Variants in MAP1S observed in about 807,000 individuals in gnomAD.
MAP1S encodes the protein microtubule-associated protein 1S.
Under a neutral mutation model 60.9 loss-of-function variants are expected in MAP1S, and 27 were observed. That is an observed-to-expected ratio of 0.44 (90% confidence interval 0.33 to 0.61). The LOEUF is 0.61. Among genes scored for constraint, MAP1S ranks in the 20% least tolerant of loss-of-function variants. The pLI is 0.03. For missense variants in MAP1S, 1,608 were observed against 1,486.6 expected, an observed-to-expected ratio of 1.08 and a Z score of -1.34; for synonymous variants, 826 against 694.2, an observed-to-expected ratio of 1.19 and a Z score of -2.98.
At chr19:17,723,240 CTCTG>C (rs955765101) in intron 2 of MAP1S, among the ~76,000 whole-genome samples, 14 of 152,146 alleles carry the variant, frequency 9.2e-5, no homozygotes, top group African/African-American at 1.9e-4. Flanking sequence ...AGCTCTGGCT[CTCTG>C]TCTGAAAAAT....
In MAP1S at chr19:17,733,376, C is replaced by T; in HGVS notation, c.2972C>T (p.Ala991Val). The stretch of plus-strand genomic sequence containing the variant: ...CAGCGCAAGGAGGAAGGCATGCGGG[C>T]CGTCCTGGACGCGCTACTGGCCAGC... ...QDQRKEEGMRAVLDALLASKQ... is the reference protein window; with the variant it reads ...QDQRKEEGMRVVLDALLASKQ... Residue 991 changes from alanine (A) to valine (V), a missense_variant, in exon 6 of 7, where the codon GCC becomes GTC. This residue lies in a region of MAP1S where 76 missense variants were observed against 110.1 expected (regional missense o/e 0.69). Transcript: ENST00000324096. The T allele has an allele frequency of 6.2e-7, 1 of 1,611,300 alleles. No homozygotes were observed. Among genetic ancestry groups the T allele is most frequent in the Non-Finnish European group, 8.5e-7 (1 of 1,179,240 alleles).
chr19:17,725,910 G>A lies in MAP1S; in HGVS notation c.526G>A (p.Ala176Thr). The A allele has an allele frequency of 2.5e-6, 4 of 1,613,806 alleles. No individual in the cohort carries two copies. The highest frequency in any genetic ancestry group is 3.4e-6 in the Non-Finnish European group (4 of 1,179,992). The stretch of plus-strand genomic sequence containing the variant: ...CACCTGCCCCACCTTCGGTGACTGG[G>A]CTCAGCTGGCACCCGCTGTGCCTGG... Reference protein sequence around the residue: ...TITCPTFGDWAQLAPAVPGLQ... With the variant: ...TITCPTFGDWTQLAPAVPGLQ... The change falls in exon 5 of 7, where the codon GCT becomes ACT. Residue 176 changes from alanine (A) to threonine (T), a missense_variant. Coordinates refer to ENST00000324096, the MANE Select transcript of MAP1S (RefSeq NM_018174.6). This position sits in a 1 kb window ranked among gnomAD's most constrained non-coding sequence, Gnocchi z 4.2.
chr19:17,726,746 G>T lies in MAP1S; in HGVS notation c.1362G>T (p.Leu454=). The T allele has an allele frequency of 6.3e-7, 1 of 1,577,018 alleles. No individual in the cohort carries two copies. The highest frequency in any genetic ancestry group is 8.6e-7 in the Non-Finnish European group (1 of 1,165,112). ...TCCGCCTGCAGCACTTGAGGTTCCT[G>T]CGAGAGCCCGTGGTGACGCCCCAGG... The part of the protein sequence containing the change: ...GLVRLQHLRF[L]REPVVTPQDL... Residue 454 remains leucine, a synonymous_variant, in exon 5 of 7, where the codon CTG becomes CTT. Transcript: ENST00000324096.
Position 17,727,280 on chromosome 19 carries a change from A to G in MAP1S, c.1896A>G (p.Ser632=). ...KALELPLAAS[S]IPRPRTPSPE... ...TGGAGCTGCCTTTGGCCGCCAGCTC[A>G]ATCCCAAGGCCACGCACACCCTCCC... The change falls in exon 5 of 7, where the codon TCA becomes TCG. Residue 632 remains serine, a synonymous_variant. Transcript: ENST00000324096. This position sits in a 1 kb window ranked among gnomAD's most constrained non-coding sequence, Gnocchi z 4.1. 6.3e-7 allele frequency: 1 copy of G among 1,585,642 alleles called. No homozygotes were observed. The highest frequency in any genetic ancestry group is 1.1e-5 in the South Asian group (1 of 88,974).
At chr19:17,720,641 A>G in intron 1 of MAP1S, 1 of 857,610 alleles carries the variant, frequency 1.2e-6, no homozygotes, top group Non-Finnish European at 1.7e-6. Context: ...CAGCTGTTGC[A>G]AGGGCGGTGA....
At chr19:17,733,641 G>A (rs75103974) in intron 6 of MAP1S, among the ~76,000 whole-genome samples, 3,120 of 152,312 alleles carry the variant, frequency 0.02, 48 homozygotes, top group Non-Finnish European at 0.032. Context: ...GCCTGGGGGA[G>A]GACGCAGGGC....
Position 17,733,298 on chromosome 19 carries a change from A to G in MAP1S, c.2894A>G (p.Glu965Gly). 6.3e-7 allele frequency: 1 copy of G among 1,589,180 alleles called. No homozygotes were observed. The highest frequency in any genetic ancestry group is 8.6e-7 in the Non-Finnish European group (1 of 1,169,016). ...PSGSSAHLVDEEFFQRVRALC... is the reference protein window; with the variant it reads ...PSGSSAHLVDGEFFQRVRALC... ...GGGAGCAGCGCCCACCTGGTGGATG[A>G]GGAGTTCTTCCAGCGCGTGCGCGCG... Residue 965 changes from glutamate to glycine, a missense_variant, in exon 6 of 7, where the codon GAG becomes GGG. Coordinates refer to ENST00000324096, the MANE Select transcript of MAP1S (RefSeq NM_018174.6).
rs1167337553 is a variant in MAP1S, at chr19:17,734,329, G to A, written c.3081G>A (p.Thr1027=). ...CCATGCATACGTGGTACGCAGAGACGCACGCCCGGCACCAGGCGCTGGGCA... is the reference window on the plus strand; with the variant it reads ...CCATGCATACGTGGTACGCAGAGACACACGCCCGGCACCAGGCGCTGGGCA... ...SVAMHTWYAE[T]HARHQALGIT... The change falls in exon 7 of 7, where the codon ACG becomes ACA. Residue 1027 remains threonine, a synonymous_variant. Coordinates refer to ENST00000324096, the MANE Select transcript of MAP1S (RefSeq NM_018174.6). 3.7e-6 allele frequency: 6 copies of A among 1,613,810 alleles called. No individual in the cohort carries two copies. Among genetic ancestry groups the A allele is most frequent in the Non-Finnish European group, 5.1e-6 (6 of 1,179,958 alleles).
intron 3 of MAP1S, 30 bp downstream of exon 3, chr19:17,724,238 C>A (rs746303763): frequency 3.8e-6 from 6 of 1,583,596 alleles, no homozygotes; most frequent in Non-Finnish European, 5.2e-6. Flanking sequence ...CTGGAGGGGG[C>A]GGGCTGCTGG....
chr19:17,730,327 A>G (rs2080481897), intron 5 of MAP1S, among the ~76,000 whole-genome samples: 1 of 152,136 alleles, frequency 6.6e-6, no homozygotes, highest in African/African-American at 2.4e-5. Context: ...ATTTTGTTTT[A>G]CTTTTTAGAG....
chr19:17,724,671 A>C (rs577711717), intron 3 of MAP1S, among the ~76,000 whole-genome samples: 1 of 152,148 alleles, frequency 6.6e-6, no homozygotes, highest in Non-Finnish European at 1.5e-5. Context: ...CCTTGGATCA[A>C]CTTTTCCCTT....
Position 17,725,760 on chromosome 19 carries a change from C to A in MAP1S, c.445-69C>A. The A allele has an allele frequency of 1.3e-6, 2 of 1,483,382 alleles. No individual in the cohort carries two copies. The highest frequency in any genetic ancestry group is 2.0e-5 in the Admixed American group (1 of 49,202). 91.9% of individuals were successfully genotyped at this position (1,483,382 alleles called of 1,614,324 possible). ...GGGGGAAAGGATGAGGGTGTCCTCG[C>A]CCAGTTTTCCCACCGGGCTAGGTGT... On this transcript the variant is annotated intron_variant, in intron 4 of 6. Transcript: ENST00000324096. The surrounding 1 kb of genome is among the most constrained non-coding windows in gnomAD (Gnocchi z 4.2).
At chr19:17,729,948 A>G (rs907492338) in intron 5 of MAP1S, among the ~76,000 whole-genome samples, 2 of 152,140 alleles carry the variant, frequency 1.3e-5, no homozygotes. Flanking sequence ...GACGTGAGCC[A>G]CTGTGCCCAG....
chr19:17,722,997 C>G (rs1042544013), intron 2 of MAP1S, among the ~76,000 whole-genome samples: 1 of 152,076 alleles, frequency 6.6e-6, no homozygotes, highest in Non-Finnish European at 1.5e-5. Flanking sequence ...TACCCTGGTC[C>G]GGGTTGGCCC....
At chr19:17,721,113 G>A in intron 2 of MAP1S, 76 bp downstream of exon 2, 1 of 1,137,878 alleles carries the variant, frequency 8.8e-7, no homozygotes, top group Non-Finnish European at 1.3e-6. Context: ...CAGGCATGGG[G>A]GGTGGGATGC....
intron 3 of MAP1S, 107 bp downstream of exon 3, chr19:17,724,315 A>C (rs1401184188): frequency 1.2e-6 from 1 of 866,758 alleles, no homozygotes; most frequent in Non-Finnish European, 1.9e-6. Flanking sequence ...TCCTCTCAAG[A>C]CACCCGGCAC....
intron 1 of MAP1S, chr19:17,720,640 C>A: frequency 1.2e-6 from 1 of 867,998 alleles, no homozygotes; most frequent in Non-Finnish European, 1.7e-6. Flanking sequence ...ACAGCTGTTG[C>A]AAGGGCGGTG....
rs17710707 is a variant in MAP1S at position 17,726,616 on chromosome 19, C to G, written c.1232C>G (p.Ser411Cys). The change falls in exon 5 of 7, where the codon TCT (serine) becomes TGT (cysteine). Residue 411 changes from serine to cysteine, a missense_variant. Ser to Cys is a moderately radical substitution (Grantham distance 112). This residue lies in a region of MAP1S where 1,167 missense variants were observed against 961.4 expected (regional missense o/e 1.21). Transcript: ENST00000324096. ...PSAGAERTLA[S>C]VCALLVWHPA... The stretch of plus-strand genomic sequence containing the variant: ...GCCGGCGCCGAGCGCACGCTGGCCT[C>G]TGTGTGCGCCCTGCTGGTGTGGCAC... 279,641 of 1,571,008 alleles carry G rather than the reference C, an allele frequency of 0.18. 26,380 individuals carry two copies. The highest frequency in any genetic ancestry group is 0.2 in the Middle Eastern group (1,198 of 5,944).
In MAP1S at chr19:17,733,440, C is replaced by T; in HGVS notation, c.3024+12C>T. 6.4e-7 allele frequency: 1 copy of T among 1,570,962 alleles called. No individual in the cohort carries two copies. The highest frequency in any genetic ancestry group is 2.3e-5 in the East Asian group (1 of 43,860). Reference sequence around the variant, plus strand: ...ACCGTGACCTGCAGGTGCGTGTCACCCCAGGGCCTCTGGTGGTAAGTGTAG... The same window carrying T: ...ACCGTGACCTGCAGGTGCGTGTCACTCCAGGGCCTCTGGTGGTAAGTGTAG... On this transcript the variant is annotated intron_variant, in intron 6 of 6. Coordinates refer to ENST00000324096, the MANE Select transcript of MAP1S (RefSeq NM_018174.6).
Sources: gnomAD v4.1 joint callset for allele counts (sites outside exome capture counted in the v4.1 genomes callset) on GRCh38, gnomAD v4.1.1 for gene constraint, gnomAD v4.1.1 regional missense constraint, Gnocchi (gnomAD v3.1) non-coding constraint, MANE v1.5 for transcripts, NCBI Gene and HGNC (gene_info 2026-07-23, HGNC 2026-07-21) for gene names.